SEMA3D: variants seen among roughly 807,000 people sequenced by gnomAD.
SEMA3D encodes the protein semaphorin-3D.
In SEMA3D, 84 loss-of-function variants were observed where a neutral mutation model predicts 100.1. The ratio of observed to expected loss-of-function variants is 0.84; its 90% CI spans 0.70 to 1.01. The LOEUF (loss-of-function observed/expected upper bound fraction) is 1.01. Ranked by LOEUF, SEMA3D falls within the 50% of genes least tolerant of loss-of-function variation. The probability of loss-of-function intolerance (pLI) is 0.00; values close to 1 mark genes in which losing one functional copy is unlikely to be tolerated. For synonymous variants in SEMA3D, 312 were observed against 320.7 expected (o/e 0.97, Z 0.29); for missense variants, 875 against 934.1 (o/e 0.94, Z 0.82).
At chr7:85,114,023 T>C (rs1457396216) in intron 3 of SEMA3D, among the ~76,000 whole-genome samples, 1 of 152,198 alleles carries the variant, frequency 6.6e-6, no homozygotes, top group Non-Finnish European at 1.5e-5. Flanking sequence ...AGTGTGTTAG[T>C]GCCCAAGAAT....
chr7:85,133,347 G>T (rs9785058), intron 2 of SEMA3D, among the ~76,000 whole-genome samples: 179 of 151,922 alleles, frequency 1.2e-3, no homozygotes, highest in African/African-American at 4.1e-3. Context: ...GGATAAGCAG[G>T]GGATTCCTGG....
intron 18 of SEMA3D, 72 bp downstream of exon 18, chr7:85,006,730 T>C: frequency 7.9e-7 from 1 of 1,266,324 alleles, no homozygotes; most frequent in Non-Finnish European, 1.1e-6. Flanking sequence ...GCATACAGAA[T>C]TAAAAGTTGA....
intron 3 of SEMA3D, among the ~76,000 whole-genome samples, chr7:85,108,751 G>A (rs1176688759): frequency 6.6e-6 from 1 of 151,782 alleles, no homozygotes; most frequent in East Asian, 1.9e-4. Flanking sequence ...TATGCAATGT[G>A]GCCACAGTAT....
At chr7:85,074,935 G>A (rs146004217) in intron 5 of SEMA3D, among the ~76,000 whole-genome samples, 49 of 152,066 alleles carry the variant, frequency 3.2e-4, no homozygotes, top group African/African-American at 1.1e-3. Context: ...TAATAGTTTC[G>A]AACAAACAAT....
At chr7:85,065,301 G>A (rs1159153311) in intron 8 of SEMA3D, 123 bp downstream of exon 8, 21 of 851,058 alleles carry the variant, frequency 2.5e-5, no homozygotes, top group Non-Finnish European at 3.5e-5. Context: ...TATTTCAAAT[G>A]TATTTTATAA....
chr7:85,169,998 G>T (rs796951841), intron 1 of SEMA3D, among the ~76,000 whole-genome samples: 1 of 151,632 alleles, frequency 6.6e-6, no homozygotes, highest in Non-Finnish European at 1.5e-5. Flanking sequence ...ATCTGGTTTG[G>T]TATTCTGATG....
At position 84,999,662 on chromosome 7, in the gene SEMA3D, A is replaced by G; in HGVS notation, c.2112T>C (p.Asp704=). ...ATCTCAACCGTGACTCAGCCAATAG[A>G]TCCTTGACCTTCCCCTCCTCATGCT... is the stretch of plus-strand genomic sequence containing the variant. ...RAEHEEGKVK[D]LLAESRLRYK... is the part of the protein sequence containing the mutation. The change falls in exon 19 of 19, where the codon GAT becomes GAC. Residue 704 remains aspartate, a synonymous_variant. Coordinates refer to ENST00000284136, the MANE Select transcript of SEMA3D (RefSeq NM_001384900.1). 1.9e-6 allele frequency: 3 copies of G among 1,613,966 alleles called. No individual in the cohort carries two copies. Among genetic ancestry groups the G allele is most frequent in the Non-Finnish European group, 2.5e-6 (3 of 1,179,986 alleles).
intron 12 of SEMA3D, among the ~76,000 whole-genome samples, chr7:85,034,426 G>A (rs999792904): frequency 6.6e-6 from 1 of 151,864 alleles, no homozygotes; most frequent in African/African-American, 2.4e-5. Context: ...GGTTAACCTG[G>A]TGAAACCCCG....
intron 1 of SEMA3D, among the ~76,000 whole-genome samples, chr7:85,156,149 C>T (rs1790590498): frequency 6.7e-6 from 1 of 149,700 alleles, no homozygotes; most frequent in Non-Finnish European, 1.5e-5. Flanking sequence ...GTCACCCAGG[C>T]TAGGGTGCAG....
the SEMA3D span, among the ~76,000 whole-genome samples, chr7:85,200,579 G>A: frequency 6.6e-6 from 1 of 152,214 alleles, no homozygotes; most frequent in Non-Finnish European, 1.5e-5. Context: ...TATAAGGGAA[G>A]CAGAGCATAA....
At chr7:85,226,214 TA>T in the SEMA3D span, among the ~76,000 whole-genome samples, 5 of 151,690 alleles carry the variant, frequency 3.3e-5, no homozygotes, top group East Asian at 1.9e-4. Flanking sequence ...GACACTTCGT[TA>T]AAAAAAAACT....
At chr7:85,095,010 T>TA (rs1788508749) in intron 4 of SEMA3D, among the ~76,000 whole-genome samples, 2 of 151,636 alleles carry the variant, frequency 1.3e-5, no homozygotes, top group South Asian at 4.2e-4. Context: ...AACAAAGAAA[T>TA]AAAAAACAAC....
chr7:85,006,972 C>A, intron 17 of SEMA3D, 31 bp from the exon 18 acceptor site: 2 of 1,575,860 alleles, frequency 1.3e-6, no homozygotes, highest in Non-Finnish European at 1.7e-6. Context: ...AAGAGATTAA[C>A]CTTGACCTGA....
intron 13 of SEMA3D, among the ~76,000 whole-genome samples, chr7:85,021,920 C>T (rs963201024): frequency 6.6e-6 from 1 of 151,662 alleles, no homozygotes; most frequent in African/African-American, 2.4e-5. Flanking sequence ...GCACAAAATT[C>T]AAGAAGAAAG....
chr7:85,031,233 G>T (rs1239719084), intron 12 of SEMA3D, among the ~76,000 whole-genome samples: 1 of 151,966 alleles, frequency 6.6e-6, no homozygotes, highest in Admixed American at 6.6e-5. Context: ...GTCAACAGAA[G>T]TCTCACCACT....
At chr7:85,201,720 A>G in the SEMA3D span, among the ~76,000 whole-genome samples, 1 of 151,526 alleles carries the variant, frequency 6.6e-6, no homozygotes, top group Non-Finnish European at 1.5e-5. Flanking sequence ...TTATTTATTT[A>G]TCTATTTATT....
At chr7:85,182,945 A>G (rs982224555) in intron 1 of SEMA3D, among the ~76,000 whole-genome samples, 14 of 152,212 alleles carry the variant, frequency 9.2e-5, no homozygotes, top group African/African-American at 3.4e-4. Context: ...TTATTAATTG[A>G]CAAGGATGAT....
chr7:85,193,783 A>G, the SEMA3D span, among the ~76,000 whole-genome samples: 1 of 152,066 alleles, frequency 6.6e-6, no homozygotes, highest in Admixed American at 6.6e-5. Flanking sequence ...TTACCACTAC[A>G]TTGCTAAAAT....
In SEMA3D at chr7:85,015,145, T is replaced by G; in HGVS notation, c.1617A>C (p.Lys539Asn). The change falls in exon 16 of 19, where the codon AAA becomes AAC. Residue 539 changes from lysine to asparagine, a missense_variant. By Grantham distance (94) the Lys-to-Asn change is moderately conservative. Coordinates refer to ENST00000284136, the MANE Select transcript of SEMA3D (RefSeq NM_001384900.1). Reference sequence around the variant, plus strand: ...TGGCAAGACAACAGTCTGCGCAAGCTTTCCCATAAGTGTCGCATCTGTGCA... The same window carrying G: ...TGGCAAGACAACAGTCTGCGCAAGCGTTCCCATAAGTGTCGCATCTGTGCA... ...LSLHRCDTYG[K>N]ACADCCLARD... 1 of 1,611,908 alleles carries G rather than the reference T, an allele frequency of 6.2e-7. No individual in the cohort carries two copies. Among genetic ancestry groups the G allele is most frequent in the South Asian group, 1.1e-5 (1 of 91,012 alleles).
Sources: allele counts gnomAD v4.1 joint callset (sites outside exome capture counted in the v4.1 genomes callset), GRCh38; gene constraint gnomAD v4.1.1; transcripts MANE v1.5; gene names NCBI Gene and HGNC (gene_info 2026-07-23, HGNC 2026-07-21).